The following KRT78 variants were observed in gnomAD, a reference collection of about 807,000 sequenced individuals.
KRT78 encodes keratin, type II cytoskeletal 78.
In KRT78, 55 loss-of-function variants were observed where a neutral mutation model predicts 51.4. The ratio of observed to expected loss-of-function variants is 1.07; its 90% CI spans 0.86 to 1.34. KRT78 has a LOEUF of 1.34. KRT78 is among the 40% of genes most tolerant of loss of function. KRT78 has a pLI of 0.00. For missense variants in KRT78, 652 were observed against 649.4 expected (o/e 1.00, Z -0.04); for synonymous variants, 291 against 264.3 (o/e 1.10, Z -0.98).
Position 52,839,945 on chromosome 12 carries a change from G to T in KRT78, c.1087C>A (p.Arg363Ser). The change falls in exon 7 of 9, where the codon CGT becomes AGT. Residue 363 changes from arginine (R) to serine (S), a missense_variant. Arg to Ser is a moderately radical substitution (Grantham distance 110). Coordinates refer to ENST00000304620, the MANE Select transcript of KRT78 (RefSeq NM_173352.4). ...GCGTCCTTGAGGGCCAGCTCCCCACGCTGCTCAGCATCAGTGATGGCGGCC... is the reference window on the plus strand; with the variant it reads ...GCGTCCTTGAGGGCCAGCTCCCCACTCTGCTCAGCATCAGTGATGGCGGCC... The part of the protein sequence containing the change: ...LQAAITDAEQ[R>S]GELALKDAQA... 6.2e-7 allele frequency: 1 copy of T among 1,613,966 alleles called. No homozygotes were observed. The highest frequency in any genetic ancestry group is 8.5e-7 in the Non-Finnish European group (1 of 1,179,952).
intron 6 of KRT78, among the ~76,000 whole-genome samples, chr12:52,842,966 G>A (rs948197906): frequency 0.01 from 466 of 46,358 alleles, 6 homozygotes; most frequent in African/African-American, 0.038. Flanking sequence ...AGAGAGGAAG[G>A]AAGGAAGGAA....
At position 52,839,056 on chromosome 12, in the gene KRT78, CG is replaced by C. The variant is rs2120377434; in HGVS notation, c.*56del. 1.3e-6 allele frequency: 2 copies of C among 1,571,056 alleles called. No individual in the cohort carries two copies. The highest frequency in any genetic ancestry group is 4.5e-5 in the East Asian group (2 of 44,566). On this transcript the variant is annotated 3_prime_UTR_variant, in exon 9 of 9. Transcript: ENST00000304620. ...GGACACGGAGTTGGCCTTGCAGAGCCGGCTGATGGGGGGAGTGGGCCAAATG... is the reference window on the plus strand; with the variant it reads ...GGACACGGAGTTGGCCTTGCAGAGCCGCTGATGGGGGGAGTGGGCCAAATG...
At chr12:52,842,617 AG>A (rs1940523711) in intron 6 of KRT78, among the ~76,000 whole-genome samples, 2 of 152,032 alleles carry the variant, frequency 1.3e-5, no homozygotes, top group Admixed American at 1.3e-4. Flanking sequence ...TCAAAAGAAG[AG>A]ATAAGAAAAG....
intron 4 of KRT78, among the ~76,000 whole-genome samples, chr12:52,845,575 C>T (rs929363793): frequency 6.6e-6 from 1 of 152,168 alleles, no homozygotes; most frequent in Non-Finnish European, 1.5e-5. Context: ...TCTCATTTTC[C>T]TTTTTTCCAT....
At chr12:52,843,849 C>T (rs1374851752) in intron 6 of KRT78, among the ~76,000 whole-genome samples, 4 of 152,208 alleles carry the variant, frequency 2.6e-5, no homozygotes, top group East Asian at 1.9e-4. Flanking sequence ...CAGGGGAGTG[C>T]GATCCAGTGG....
At chr12:52,843,688 CAAAA>C (rs1158055717) in intron 6 of KRT78, among the ~76,000 whole-genome samples, 114 of 63,202 alleles carry the variant, frequency 1.8e-3, no homozygotes, top group African/African-American at 4.5e-3. Flanking sequence ...GACTCTGTCT[CAAAA>C]AAAAAAAAAA....
rs756433684 is a variant in KRT78, at chr12:52,848,829, GCCCCTGCTGCTGAAGCCT to G, written c.84_101del (p.Gly34_Arg39del). ...AATTAAGGCTCCTGCTGCTGAAGCC[GCCCCTGCTGCTGAAGCCT>G]CCCCTGCTGCGGCCCCTTGAGCGAG... On this transcript the variant is annotated inframe_deletion, in exon 1 of 9. Transcript: ENST00000304620. 2.7e-5 allele frequency: 43 copies of G among 1,607,886 alleles called. No individual in the cohort carries two copies. Among genetic ancestry groups the G allele is most frequent in the African/African-American group, 5.4e-5 (4 of 74,482 alleles).
intron 6 of KRT78, among the ~76,000 whole-genome samples, chr12:52,841,388 G>A (rs1191449090): frequency 6.6e-6 from 1 of 151,752 alleles, no homozygotes; most frequent in Non-Finnish European, 1.5e-5. Flanking sequence ...TCAGGAGGCT[G>A]AGGTAGGAGA....
In KRT78 at chr12:52,848,650, G is replaced by C. The variant is rs1211802057; in HGVS notation, c.281C>G (p.Thr94Ser). 2.5e-6 allele frequency: 4 copies of C among 1,613,886 alleles called. No homozygotes were observed. Among genetic ancestry groups the C allele is most frequent in the Non-Finnish European group, 2.5e-6 (3 of 1,179,964 alleles). The change falls in exon 1 of 9, where the codon ACC (threonine) becomes AGC (serine). Residue 94 changes from threonine to serine, a missense_variant. Physicochemically the swap from Thr to Ser is moderately conservative, Grantham distance 58. Transcript: ENST00000304620. ...QEVTINQNLL[T>S]PLKIEIDPQF... ...GGGATCGATCTCAATCTTCAGTGGG[G>C]TCAGCAGATTCTGGTTGATGGTCAC...
chr12:52,846,708 G>A, intron 3 of KRT78, 56 bp downstream of exon 3: 1 of 1,470,552 alleles, frequency 6.8e-7, no homozygotes, highest in Admixed American at 1.7e-5. Flanking sequence ...CTAGGACTAG[G>A]CTCCGTGCAC....
rs140207612 is a variant in KRT78, at chr12:52,844,165, C to T, written c.975G>A (p.Thr325=). 29 of 1,611,868 alleles carry T rather than the reference C, an allele frequency of 1.8e-5. No homozygotes were observed. Among genetic ancestry groups the T allele is most frequent in the Non-Finnish European group, 2.4e-5 (28 of 1,179,452 alleles). ...AQLHGDRMQE[T]KVQISQLHQE... ...GGTGTAGCTGAGAGATCTGGACTTT[C>T]GTTTCCTGCATCCTGTCCCCATGAA... The change falls in exon 6 of 9, where the codon ACG becomes ACA. Residue 325 remains threonine (T), a synonymous_variant. Transcript: ENST00000304620.
chr12:52,843,688 CAAA>C (rs1158055717), intron 6 of KRT78, among the ~76,000 whole-genome samples: 2 of 63,176 alleles, frequency 3.2e-5, no homozygotes, highest in African/African-American at 4.3e-5. Flanking sequence ...GACTCTGTCT[CAAA>C]AAAAAAAAAA....
rs566399715 is a variant in KRT78 at position 52,845,011 on chromosome 12, T to A, written c.757-288A>T. Among the ~76,000 whole-genome samples, 5 of 150,992 alleles carry A rather than the reference T, an allele frequency of 3.3e-5. No homozygotes were observed. In the South Asian group the frequency reaches 1.1e-3, roughly 32 times the overall value. On this transcript the variant is annotated intron_variant, in intron 4 of 8. Transcript: ENST00000304620. ...TCACTCCTCAGGCCTCTTTTTTTTT[T>A]CTTCTTCTTCTTTTTTTTTTTTAAG...
At chr12:52,839,677 A>G (rs1940434841) in intron 7 of KRT78, 87 bp downstream of exon 7, 2 of 1,398,774 alleles carry the variant, frequency 1.4e-6, no homozygotes, top group African/African-American at 2.8e-5. Context: ...AATCTCTCAG[A>G]ATCCTCTTTA....
intron 6 of KRT78, among the ~76,000 whole-genome samples, chr12:52,840,312 G>A (rs539337072): frequency 7.0e-4 from 107 of 152,100 alleles, no homozygotes; most frequent in Admixed American, 1.9e-3. Flanking sequence ...TGATCATATC[G>A]TACCATATTT....
chr12:52,845,206 C>T lies in KRT78; in HGVS notation c.757-483G>A, dbSNP rs561605187. 2.0e-5 allele frequency among the ~76,000 whole-genome samples: 3 copies of T among 151,726 alleles called. No individual in the cohort carries two copies. The East Asian group carries it at 5.8e-4, about 29-fold the overall frequency. Reference sequence around the variant, plus strand: ...AATTTTTGTGTTTTTGTAGCGACAGCGTTTCACTAGGCTGGTCTCGAACTC... The same window carrying T: ...AATTTTTGTGTTTTTGTAGCGACAGTGTTTCACTAGGCTGGTCTCGAACTC... On this transcript the variant is annotated intron_variant, in intron 4 of 8. Coordinates refer to ENST00000304620, the MANE Select transcript of KRT78 (RefSeq NM_173352.4).
intron 4 of KRT78, among the ~76,000 whole-genome samples, chr12:52,845,648 T>C (rs1940622366): frequency 6.6e-6 from 1 of 152,230 alleles, no homozygotes; most frequent in African/African-American, 2.4e-5. Flanking sequence ...TTGCTTATTG[T>C]CTGTCTCCCA....
Position 52,848,891 on chromosome 12 carries a change from C to T in KRT78, c.40G>A (p.Ala14Thr), listed in dbSNP as rs369107504. The T allele has an allele frequency of 4.3e-5, 69 of 1,592,208 alleles. No homozygotes were observed. The East Asian group carries it at 7.4e-4, about 17-fold the overall frequency. The change falls in exon 1 of 9, where the codon GCT becomes ACT. Residue 14 changes from alanine to threonine, a missense_variant. Transcript: ENST00000304620. ...GAGCGAGCAGAACAGGCTGAGCGAG[C>T]GCTGAAGCCCCTCTGGGCCCGGCAT... Reference protein sequence around the residue: ...SPCRAQRGFSARSACSARSRG... With the variant: ...SPCRAQRGFSTRSACSARSRG...
In KRT78 at chr12:52,839,385, G is replaced by C. The variant is rs780998579; in HGVS notation, c.1304-13C>G. The C allele has an allele frequency of 6.2e-7, 1 of 1,613,172 alleles. No homozygotes were observed. Among genetic ancestry groups the C allele is most frequent in the Non-Finnish European group, 8.5e-7 (1 of 1,179,572 alleles). ...CCTCCCACCGAGGCTGCCAAGAAAC[G>C]CACCGGGTCAGAGCAGGGTCATCAG... is the stretch of plus-strand genomic sequence containing the variant. On this transcript the variant is annotated splice_polypyrimidine_tract_variant and intron_variant, in intron 8 of 8. Transcript: ENST00000304620.
Sources: gnomAD v4.1 joint callset for allele counts (sites outside exome capture counted in the v4.1 genomes callset) on GRCh38, gnomAD v4.1.1 for gene constraint, MANE v1.5 for transcripts, NCBI Gene and HGNC (gene_info 2026-07-23, HGNC 2026-07-21) for gene names.